The following DEPDC1B variants were observed in gnomAD, a reference collection of about 807,000 sequenced individuals.
DEPDC1B encodes the protein DEP domain-containing protein 1B.
Under a neutral mutation model 66.5 loss-of-function variants are expected in DEPDC1B, and 51 were observed. That is an observed-to-expected ratio of 0.77 (90% confidence interval 0.61 to 0.97). The LOEUF is 0.97. DEPDC1B is among the 50% of genes least tolerant of loss of function. DEPDC1B has a pLI of 0.00. For missense variants in DEPDC1B, 552 were observed against 637.1 expected (o/e 0.87, Z 1.44); for synonymous variants, 226 against 223.6 (o/e 1.01, Z -0.10).
intron 1 of DEPDC1B, among the ~76,000 whole-genome samples, chr5:60,688,334 T>TA (rs1294366864): frequency 6.6e-6 from 1 of 152,164 alleles, no homozygotes; most frequent in Non-Finnish European, 1.5e-5. Flanking sequence ...CATCTTCAGA[T>TA]ACCACACTGA....
chr5:60,699,759 C>G (rs1408784639), intron 1 of DEPDC1B, among the ~76,000 whole-genome samples: 1 of 152,160 alleles, frequency 6.6e-6, no homozygotes, highest in Admixed American at 6.5e-5. Flanking sequence ...CAGGGAACAG[C>G]CTGGTCTTGG....
intron 3 of DEPDC1B, 44 bp from the exon 4 acceptor site, chr5:60,645,663 A>G: frequency 6.4e-7 from 1 of 1,558,780 alleles, no homozygotes; most frequent in Non-Finnish European, 8.7e-7. Flanking sequence ...GAGAAACGGT[A>G]GAAAGACAGT....
At chr5:60,660,570 A>G (rs979863975) in intron 2 of DEPDC1B, among the ~76,000 whole-genome samples, 2 of 152,196 alleles carry the variant, frequency 1.3e-5, no homozygotes, top group Non-Finnish European at 2.9e-5. Flanking sequence ...GCCCAAATGC[A>G]TTCAATCTGT....
At chr5:60,618,159 T>C (rs1371255957) in intron 7 of DEPDC1B, among the ~76,000 whole-genome samples, 1 of 151,386 alleles carries the variant, frequency 6.6e-6, no homozygotes, top group Non-Finnish European at 1.5e-5. Context: ...GGAAATTTAT[T>C]GCACTGAATG....
Position 60,605,717 on chromosome 5 carries a change from C to G in DEPDC1B, c.1038G>C (p.Leu346=), listed in dbSNP as rs748295100. The change falls in exon 8 of 11, where the codon CTG becomes CTC. Residue 346 remains leucine, a synonymous_variant. Coordinates refer to ENST00000265036, the MANE Select transcript of DEPDC1B (RefSeq NM_018369.3). ...RICLNKEMPP[L]CDGFGTRTLM... The stretch of plus-strand genomic sequence containing the variant: ...GTGTTCGGGTACCAAAGCCATCACA[C>G]AGGGGTGGCATCTCTTTGTTTAAGC... 6.2e-7 allele frequency: 1 copy of G among 1,611,980 alleles called. No individual in the cohort carries two copies. The highest frequency in any genetic ancestry group is 8.5e-7 in the Non-Finnish European group (1 of 1,179,112).
intron 7 of DEPDC1B, among the ~76,000 whole-genome samples, chr5:60,621,145 G>C (rs188640110): frequency 0.053 from 7,995 of 151,816 alleles, 444 homozygotes; most frequent in African/African-American, 0.14. Flanking sequence ...GTTGTGGGGT[G>C]GGGGTAGGGG....
intron 2 of DEPDC1B, among the ~76,000 whole-genome samples, chr5:60,666,892 A>G (rs895533993): frequency 3.3e-5 from 5 of 152,254 alleles, no homozygotes; most frequent in Non-Finnish European, 5.9e-5. Context: ...GAAAGAAGCC[A>G]TCTTAGAAGT....
intron 2 of DEPDC1B, among the ~76,000 whole-genome samples, chr5:60,669,596 C>A (rs1457541837): frequency 6.6e-6 from 1 of 152,098 alleles, no homozygotes; most frequent in Non-Finnish European, 1.5e-5. Flanking sequence ...CACCTAAATG[C>A]TGAAAAACTG....
chr5:60,699,342 A>G (rs1383694407), intron 1 of DEPDC1B, among the ~76,000 whole-genome samples: 1 of 53,548 alleles, frequency 1.9e-5, no homozygotes, highest in Non-Finnish European at 4.3e-5. Context: ...TTCCACAGAA[A>G]GTCCTCTAAA....
chr5:60,697,507 A>C (rs1584111801), intron 1 of DEPDC1B, among the ~76,000 whole-genome samples: 1 of 152,218 alleles, frequency 6.6e-6, no homozygotes, highest in Non-Finnish European at 1.5e-5. Context: ...GACTAGTCTC[A>C]AACTATTAAA....
intron 7 of DEPDC1B, among the ~76,000 whole-genome samples, chr5:60,619,203 G>T (rs1752642058): frequency 6.6e-6 from 1 of 152,162 alleles, no homozygotes; most frequent in African/African-American, 2.4e-5. Context: ...GCAAAAACTG[G>T]AAGCATTCCC....
chr5:60,621,333 G>C (rs1199369217), intron 7 of DEPDC1B, among the ~76,000 whole-genome samples: 1 of 151,042 alleles, frequency 6.6e-6, no homozygotes, highest in Non-Finnish European at 1.5e-5. Context: ...ATAAAATGTG[G>C]CACATATACA....
chr5:60,698,921 C>A (rs1754714695), intron 1 of DEPDC1B, among the ~76,000 whole-genome samples: 1 of 152,150 alleles, frequency 6.6e-6, no homozygotes, highest in Non-Finnish European at 1.5e-5. Context: ...CCCCTTAAAT[C>A]ATGTAAAATT....
At chr5:60,659,777 T>C (rs1753665458) in intron 2 of DEPDC1B, among the ~76,000 whole-genome samples, 1 of 152,212 alleles carries the variant, frequency 6.6e-6, no homozygotes, top group Admixed American at 6.5e-5. Flanking sequence ...TTCTAGGTAC[T>C]AATGGTTCAG....
chr5:60,661,102 T>C (rs1377854938), intron 2 of DEPDC1B, among the ~76,000 whole-genome samples: 2 of 152,208 alleles, frequency 1.3e-5, no homozygotes, highest in Non-Finnish European at 2.9e-5. Flanking sequence ...GAAATAAATT[T>C]GCATAAGAAC....
intron 2 of DEPDC1B, among the ~76,000 whole-genome samples, chr5:60,664,949 C>T (rs915008305): frequency 6.6e-6 from 1 of 152,050 alleles, no homozygotes; most frequent in East Asian, 1.9e-4. Flanking sequence ...TGTACAAAAA[C>T]CTAAAGAGGT....
At chr5:60,638,168 G>T (rs977407636) in intron 7 of DEPDC1B, among the ~76,000 whole-genome samples, 1 of 152,056 alleles carries the variant, frequency 6.6e-6, no homozygotes, top group Non-Finnish European at 1.5e-5. Flanking sequence ...AAGGAATATC[G>T]GAACGAACTA....
At chr5:60,647,152 G>T in intron 3 of DEPDC1B, among the ~76,000 whole-genome samples, 1 of 151,554 alleles carries the variant, frequency 6.6e-6, no homozygotes, top group Non-Finnish European at 1.5e-5. Flanking sequence ...CCCATCGCTG[G>T]TGCCAAAAAG....
rs752619351 is a variant in DEPDC1B, at chr5:60,597,760, C to A, written c.1583G>T (p.Arg528Leu). 18 of 1,612,222 alleles carry A rather than the reference C, an allele frequency of 1.1e-5. No homozygotes were observed. In the Admixed American group the frequency reaches 1.2e-4, roughly 11 times the overall value. The change falls in exon 11 of 11, where the codon CGA becomes CTA. Residue 528 changes from arginine (R) to leucine (L), a missense_variant. Transcript: ENST00000265036. ...GTTGCTGTGGAAGTATTATTACATT[C>A]GAAAACTTCTAGTTCTTTGAAATGG... The part of the protein sequence containing the change: ...FQPFQRTRSF[R>L]M
Sources: allele counts gnomAD v4.1 joint callset (sites outside exome capture counted in the v4.1 genomes callset), GRCh38; gene constraint gnomAD v4.1.1; transcripts MANE v1.5; gene names NCBI Gene and HGNC (gene_info 2026-07-23, HGNC 2026-07-21).